TENM3: variants seen among roughly 807,000 people sequenced by gnomAD.
TENM3 encodes teneurin transmembrane protein 3, also known as teneurin-3.
Under a neutral mutation model 255.1 loss-of-function variants are expected in TENM3, and 63 were observed. That is an observed-to-expected ratio of 0.25 (90% CI 0.20 to 0.30). TENM3 has a LOEUF of 0.30. Among genes scored for constraint, TENM3 ranks in the 10% least tolerant of loss-of-function variants. TENM3 has a pLI of 1.00. For missense variants in TENM3, 2,929 were observed against 3,461.1 expected, an observed-to-expected ratio of 0.85 and a Z score of 3.86; for synonymous variants, 1,306 against 1,322.3, an observed-to-expected ratio of 0.99 and a Z score of 0.27.
the TENM3 span, among the ~76,000 whole-genome samples, chr4:182,089,971 G>A: frequency 6.6e-6 from 1 of 152,158 alleles, no homozygotes. Context: ...CAAAGCCAAT[G>A]TTGACTCAGT....
At chr4:181,593,545 A>G in the TENM3 span, among the ~76,000 whole-genome samples, 1 of 152,234 alleles carries the variant, frequency 6.6e-6, no homozygotes, top group African/African-American at 2.4e-5. Context: ...CAGATCTTGC[A>G]ATGGAAACCA....
In TENM3 at chr4:182,731,982, C is replaced by T. The variant is rs573450635; in HGVS notation, c.2967+843C>T. Reference sequence around the variant, plus strand: ...ATTTTTAGTAGAGGCAGGGTTTCATCATGTTGGCCAGGATGGTCTCCATCT... The same window carrying T: ...ATTTTTAGTAGAGGCAGGGTTTCATTATGTTGGCCAGGATGGTCTCCATCT... On this transcript the variant is annotated intron_variant, in intron 16 of 27. Transcript: ENST00000511685. Among the ~76,000 whole-genome samples, 300 of 151,956 alleles carry T rather than the reference C, an allele frequency of 2.0e-3. 4 individuals carry two copies. Among genetic ancestry groups the T allele is most frequent in the East Asian group, 1.9e-3 (10 of 5,144 alleles).
intron 5 of TENM3, among the ~76,000 whole-genome samples, chr4:182,647,206 A>G (rs899110222): frequency 3.3e-5 from 5 of 152,244 alleles, no homozygotes; most frequent in Non-Finnish European, 5.9e-5. Flanking sequence ...GTGACAAGTT[A>G]TAATAGTTTT....
chr4:182,457,334 G>C (rs1773957983), intron 3 of TENM3, among the ~76,000 whole-genome samples: 1 of 152,014 alleles, frequency 6.6e-6, no homozygotes, highest in South Asian at 2.1e-4. Flanking sequence ...TCTAAGAAGA[G>C]AAGCCAAGGC....
At chr4:182,629,615 T>C in intron 5 of TENM3, among the ~76,000 whole-genome samples, 1 of 152,194 alleles carries the variant, frequency 6.6e-6, no homozygotes, top group East Asian at 1.9e-4. Context: ...CTTCTAAGTA[T>C]AGGAAAAGGC....
At chr4:181,979,107 T>C in the TENM3 span, among the ~76,000 whole-genome samples, 1 of 14,038 alleles carries the variant, frequency 7.1e-5, no homozygotes. Flanking sequence ...CATATATATA[T>C]ATATATATAT....
At chr4:182,608,710 A>T (rs1013525069) in intron 4 of TENM3, among the ~76,000 whole-genome samples, 13 of 152,148 alleles carry the variant, frequency 8.5e-5, no homozygotes, top group African/African-American at 3.1e-4. Context: ...CGCTCAGGTC[A>T]GGGCTAGGAC....
upstream of TENM3, among the ~76,000 whole-genome samples, chr4:182,242,580 G>T (rs1579862111): frequency 6.6e-6 from 1 of 152,036 alleles, no homozygotes. Context: ...GGGCAACATG[G>T]TGAAAACCCG....
At chr4:181,726,667 G>A in the TENM3 span, among the ~76,000 whole-genome samples, 1 of 152,154 alleles carries the variant, frequency 6.6e-6, no homozygotes, top group Non-Finnish European at 1.5e-5. Context: ...CAGCAAGCAA[G>A]CAATCAATTC....
intron 3 of TENM3, among the ~76,000 whole-genome samples, chr4:182,392,951 TTGA>T (rs1349900433): frequency 6.6e-6 from 1 of 152,176 alleles, no homozygotes; most frequent in Non-Finnish European, 1.5e-5. Flanking sequence ...TTGCTAACAA[TTGA>T]TGAGATTTGT....
chr4:181,605,588 A>AGAAAGAAAGAAAGAAAGAGAGAAAGAAAG, the TENM3 span, among the ~76,000 whole-genome samples: 1 of 37,572 alleles, frequency 2.7e-5, no homozygotes, highest in East Asian at 7.4e-4. Flanking sequence ...AAGAAAGGAA[A>AGAAAGAAAGAAAGAAAGAGAGAAAGAAAG]GAAAGAAAGA....
rs568385362 is a variant in TENM3 at position 182,378,909 on chromosome 4, C to T, written c.511+31980C>T. On this transcript the variant is annotated intron_variant, in intron 3 of 27. Coordinates refer to ENST00000511685, the MANE Select transcript of TENM3 (RefSeq NM_001080477.4). ...AGGCCAGTCTAACTTCAGAGCTCAG[C>T]TCCACATTCTAAAACCGTTTCCCTT... Among the ~76,000 whole-genome samples, 153 of 136,700 alleles carry T rather than the reference C, an allele frequency of 1.1e-3. No homozygotes were observed. The Middle Eastern group carries it at 0.015, about 13-fold the overall frequency. The allele number at this position is 136,700 out of a possible 152,430, so 89.7% of individuals were successfully genotyped here.
intron 1 of TENM3, among the ~76,000 whole-genome samples, chr4:182,175,339 A>G (rs1314609609): frequency 3.3e-5 from 5 of 149,314 alleles, no homozygotes; most frequent in Non-Finnish European, 5.9e-5. Context: ...ATATATACAC[A>G]CAAGTATTTG....
Position 182,653,392 on chromosome 4 carries a change from G to A in TENM3, c.989-379G>A, listed in dbSNP as rs181765233. On this transcript the variant is annotated intron_variant, in intron 5 of 27. Coordinates refer to ENST00000511685, the MANE Select transcript of TENM3 (RefSeq NM_001080477.4). ...AATCTACAGGTGTTGCAGCAAAGTA[G>A]CATAAATTTGCAAGTGACCTGTGGT... Among the ~76,000 whole-genome samples the A allele has an allele frequency of 7.0e-4, 107 of 152,300 alleles. 1 individual carries two copies. The Middle Eastern group carries it at 0.01, about 15-fold the overall frequency.
At chr4:182,600,401 A>G (rs999612166) in intron 3 of TENM3, among the ~76,000 whole-genome samples, 6 of 152,190 alleles carry the variant, frequency 3.9e-5, no homozygotes, top group Admixed American at 2.6e-4. Flanking sequence ...CTTATTTGAA[A>G]TGCACTAAAC....
At chr4:182,139,183 C>A (rs1459423460), upstream of TENM3, among the ~76,000 whole-genome samples, 1 of 152,166 alleles carries the variant, frequency 6.6e-6, no homozygotes, top group Non-Finnish European at 1.5e-5. Flanking sequence ...AAAACAGTGC[C>A]ATCCTTTATT....
the TENM3 span, among the ~76,000 whole-genome samples, chr4:181,475,010 T>C: frequency 6.6e-6 from 1 of 152,134 alleles, no homozygotes; most frequent in Admixed American, 6.5e-5. Context: ...AGCAGCATAG[T>C]CCTCAAAAGA....
chr4:182,385,842 T>G (rs1213778517), intron 3 of TENM3, among the ~76,000 whole-genome samples: 1 of 152,242 alleles, frequency 6.6e-6, no homozygotes, highest in Admixed American at 6.5e-5. Context: ...ACAGCTATTT[T>G]TCTTGGAAGA....
Position 182,680,649 on chromosome 4 carries a change from T to C in TENM3, c.1746T>C (p.Cys582=). 6.2e-7 allele frequency: 1 copy of C among 1,612,712 alleles called. No homozygotes were observed. Among genetic ancestry groups the C allele is most frequent in the East Asian group, 2.2e-5 (1 of 44,860 alleles). The change falls in exon 10 of 28, where the codon TGT becomes TGC. Residue 582 remains cysteine, a synonymous_variant. Coordinates refer to ENST00000511685, the MANE Select transcript of TENM3 (RefSeq NM_001080477.4). The part of the protein sequence containing the change: ...GTECDVPTTQ[C]IDPQCGGRGI... Reference sequence around the variant, plus strand: ...AGTGTGATGTGCCGACTACCCAGTGTATTGACCCACAGTGTGGGGGTCGTG... The same window carrying C: ...AGTGTGATGTGCCGACTACCCAGTGCATTGACCCACAGTGTGGGGGTCGTG...
Sources: gnomAD v4.1 joint callset for allele counts (sites outside exome capture counted in the v4.1 genomes callset) on GRCh38, gnomAD v4.1.1 for gene constraint, MANE v1.5 for transcripts, NCBI Gene and HGNC (gene_info 2026-07-23, HGNC 2026-07-21) for gene names.